DNAJB11: variants seen among roughly 807,000 people sequenced by gnomAD.
The protein encoded by DNAJB11 is DnaJ heat shock protein family (Hsp40) member B11, also known as dnaJ homolog subfamily B member 11.
A neutral mutation model predicts 47.2 loss-of-function variants in DNAJB11; 30 were observed. That is an observed-to-expected ratio of 0.64 (90% CI 0.48 to 0.86). The LOEUF (loss-of-function observed/expected upper bound fraction) is 0.86, where lower values mean the gene tolerates loss of function less well. Ranked by LOEUF, DNAJB11 falls within the 40% of genes least tolerant of loss-of-function variation. DNAJB11 has a pLI of 0.00. For missense variants in DNAJB11, 357 were observed against 440.2 expected, an observed-to-expected ratio of 0.81 and a Z score of 1.69; for synonymous variants, 151 against 159.9, an observed-to-expected ratio of 0.94 and a Z score of 0.42.
chr3:186,570,790 C>T lies in DNAJB11; in HGVS notation c.-108C>T. On this transcript the variant is annotated 5_prime_UTR_variant, in exon 1 of 10. Transcript: ENST00000265028. The stretch of plus-strand genomic sequence containing the variant: ...TCTGCGGACCAAGGAGACCCCCGCG[C>T]CCCCCCGGTGTGAGGCGGCCTCACA... 2 of 990,472 alleles carry T rather than the reference C, an allele frequency of 2.0e-6. No individual in the cohort carries two copies. Among genetic ancestry groups the T allele is most frequent in the Non-Finnish European group, 3.0e-6 (2 of 658,966 alleles). The allele number at this position is 990,472 out of a possible 1,614,324, so 61.4% of individuals were successfully genotyped here. A position where few individuals can be genotyped will look rare whatever the true frequency, so the allele number is the denominator to read the frequency against.
chr3:186,572,311 A>G (rs1715097176), intron 2 of DNAJB11, 60 bp downstream of exon 2: 11 of 1,442,034 alleles, frequency 7.6e-6, no homozygotes, highest in South Asian at 7.6e-5. Context: ...AAAACATACA[A>G]TACAGAGAAA....
In DNAJB11 at chr3:186,582,001, G is replaced by A. The variant is rs1399726728; in HGVS notation, c.606G>A (p.Val202=). The change falls in exon 6 of 10, where the codon GTG becomes GTA. Residue 202 remains valine, a synonymous_variant. Coordinates refer to ENST00000265028, the MANE Select transcript of DNAJB11 (RefSeq NM_016306.6). ...TTAATTCTCTTTACCTCAGACTAGT[G>A]AATGAAGAACGAACGCTGGAAGTAG... is the stretch of plus-strand genomic sequence containing the variant. ...VCDECPNVKL[V]NEERTLEVEI... 1 of 1,612,820 alleles carries A rather than the reference G, an allele frequency of 6.2e-7. No homozygotes were observed. Among genetic ancestry groups the A allele is most frequent in the Non-Finnish European group, 8.5e-7 (1 of 1,179,172 alleles).
At chr3:186,575,368 CGT>C (rs3051602) in intron 2 of DNAJB11, among the ~76,000 whole-genome samples, 11,209 of 143,322 alleles carry the variant, frequency 0.078, 1,091 homozygotes, top group African/African-American at 0.25. Context: ...CGCGCGCGCG[CGT>C]GTGTGTGTGT....
chr3:186,573,327 A>T (rs1715150545), intron 2 of DNAJB11, among the ~76,000 whole-genome samples: 1 of 152,216 alleles, frequency 6.6e-6, no homozygotes, highest in East Asian at 1.9e-4. Flanking sequence ...GGTGAACCCA[A>T]GAGCTGTTGG....
At position 186,584,418 on chromosome 3, in the gene DNAJB11, T is replaced by G. The variant is rs761366065; in HGVS notation, c.853-12T>G. 16 of 1,538,688 alleles carry G rather than the reference T, an allele frequency of 1.0e-5. No individual in the cohort carries two copies. The highest frequency in any genetic ancestry group is 4.6e-5 in the Admixed American group (2 of 43,774). ...CCGCTCCTGCTGCAGTACATTCCCT[T>G]TGGTTTTCTAGGTACATATTTCCCG... On this transcript the variant is annotated splice_polypyrimidine_tract_variant and intron_variant, in intron 8 of 9. Coordinates refer to ENST00000265028, the MANE Select transcript of DNAJB11 (RefSeq NM_016306.6).
chr3:186,571,022 T>TGGGGGTGGGGGGGGGGGG, intron 1 of DNAJB11, 57 bp downstream of exon 1: 1 of 208,310 alleles, frequency 4.8e-6, no homozygotes, highest in Non-Finnish European at 9.4e-6. Flanking sequence ...TGCTGGGGGG[T>TGGGGGTGGGGGGGGGGGG]GGGAGGGGGT....
intron 9 of DNAJB11, 77 bp from the exon 10 acceptor site, chr3:186,585,267 T>C: frequency 8.1e-7 from 1 of 1,229,110 alleles, no homozygotes; most frequent in Non-Finnish European, 1.2e-6. Flanking sequence ...ATGAGCTTTT[T>C]CTTGAAATAT....
chr3:186,583,849 C>T lies in DNAJB11; in HGVS notation c.741-16C>T, dbSNP rs1422006327. 4.4e-6 allele frequency: 7 copies of T among 1,585,442 alleles called. No homozygotes were observed. The highest frequency in any genetic ancestry group is 6.1e-6 in the Non-Finnish European group (7 of 1,155,188). ...AAAGTTGGAAATTAATGATTTTTACCTTATTCTGTTTTTAGGCACCCAATA... is the reference window on the plus strand; with the variant it reads ...AAAGTTGGAAATTAATGATTTTTACTTTATTCTGTTTTTAGGCACCCAATA... On this transcript the variant is annotated splice_polypyrimidine_tract_variant and intron_variant, in intron 7 of 9. Coordinates refer to ENST00000265028, the MANE Select transcript of DNAJB11 (RefSeq NM_016306.6).
intron 4 of DNAJB11, 106 bp downstream of exon 4, chr3:186,577,906 A>G (rs2108480203): frequency 2.1e-6 from 2 of 967,902 alleles, no homozygotes; most frequent in Non-Finnish European, 3.0e-6. Flanking sequence ...AGGGTAAGAG[A>G]GAGTGATCAA....
rs745798342 is a variant in DNAJB11 at position 186,584,617 on chromosome 3, G to GTGTGTGTGTA, written c.1012+33_1012+34insGTGTATGTGT. ...ATGGCATATTAGTGTGTGTGTGTGT[G>GTGTGTGTGTA]TGTGTTTGTGTGTGTGTATGTGTGT... On this transcript the variant is annotated intron_variant, in intron 9 of 9. Transcript: ENST00000265028. 5.9e-6 allele frequency: 9 copies of GTGTGTGTGTA among 1,513,756 alleles called. No homozygotes were observed. In the Admixed American group the frequency reaches 7.1e-5, roughly 12 times the overall value. The allele number at this position is 1,513,756 out of a possible 1,614,324, so 93.8% of individuals were successfully genotyped here.
At chr3:186,583,525 A>G (rs1241110523) in intron 7 of DNAJB11, among the ~76,000 whole-genome samples, 1 of 152,078 alleles carries the variant, frequency 6.6e-6, no homozygotes, top group Admixed American at 6.5e-5. Context: ...TTTTATCTGC[A>G]TTTCTACAGC....
rs1052051221 is a variant in DNAJB11 at position 186,572,031 on chromosome 3, C to A, written c.69-64C>A. 6.4e-6 allele frequency: 9 copies of A among 1,395,716 alleles called. No homozygotes were observed. The Admixed American group carries it at 2.2e-4, about 34-fold the overall frequency. 86.5% of individuals were successfully genotyped at this position (1,395,716 alleles called of 1,614,324 possible). On this transcript the variant is annotated intron_variant, in intron 1 of 9. Coordinates refer to ENST00000265028, the MANE Select transcript of DNAJB11 (RefSeq NM_016306.6). ...ACCTAAATGTAGAGGAAAAATAAAT[C>A]TTTTACTTTGAAAAATGTAACATGT...
At chr3:186,584,621 G>GTGTGTGTGTGTT in intron 9 of DNAJB11, 32 bp downstream of exon 9, 2 of 1,507,566 alleles carry the variant, frequency 1.3e-6, no homozygotes, top group Admixed American at 4.8e-5. Context: ...GTGTGTGTGT[G>GTGTGTGTGTGTT]TTTGTGTGTG....
Position 186,577,655 on chromosome 3 carries a change from C to A in DNAJB11, c.324-13C>A. 6.6e-7 allele frequency: 1 copy of A among 1,524,142 alleles called. No homozygotes were observed. The highest frequency in any genetic ancestry group is 8.8e-7 in the Non-Finnish European group (1 of 1,139,062). 94.4% of individuals were successfully genotyped at this position (1,524,142 alleles called of 1,614,324 possible). ...TTTTTTTTTTTTCCTGATGATTTTG[C>A]ACTTATCTTTAGCTTCTTTGGGGAT... On this transcript the variant is annotated splice_polypyrimidine_tract_variant and intron_variant, in intron 3 of 9. Transcript: ENST00000265028.
At position 186,581,431 on chromosome 3, in the gene DNAJB11, C is replaced by G. The variant is rs1183976778; in HGVS notation, c.517C>G (p.Gln173Glu). 1.2e-6 allele frequency: 2 copies of G among 1,613,792 alleles called. No homozygotes were observed. The highest frequency in any genetic ancestry group is 2.7e-5 in the African/African-American group (2 of 74,822). The stretch of plus-strand genomic sequence containing the variant: ...TGGCAAACGGAAGTGCAATTGTCGG[C>G]AAGAGATGCGGACCACCCAGCTGGG... ...APGKRKCNCR[Q>E]EMRTTQLGPG... The change falls in exon 5 of 10, where the codon CAA becomes GAA. Residue 173 changes from glutamine (Q) to glutamate (E), a missense_variant. Physicochemically the swap from Gln to Glu is conservative, Grantham distance 29. Transcript: ENST00000265028.
At chr3:186,573,973 A>T (rs1715177677) in intron 2 of DNAJB11, among the ~76,000 whole-genome samples, 1 of 152,194 alleles carries the variant, frequency 6.6e-6, no homozygotes, top group East Asian at 1.9e-4. Context: ...TAACTATAAC[A>T]ATCCTTTTAG....
At chr3:186,583,372 T>C (rs977336864) in intron 7 of DNAJB11, among the ~76,000 whole-genome samples, 1 of 152,220 alleles carries the variant, frequency 6.6e-6, no homozygotes, top group South Asian at 2.1e-4. Flanking sequence ...CTCAGTGTTG[T>C]TTTCCCCAGC....
chr3:186,584,627 G>GTGTGTGTGTT, intron 9 of DNAJB11, 38 bp downstream of exon 9: 1 of 1,492,430 alleles, frequency 6.7e-7, no homozygotes, highest in South Asian at 1.4e-5. Flanking sequence ...GTGTGTTTGT[G>GTGTGTGTGTT]TGTGTGTATG....
In DNAJB11 at chr3:186,572,397, A is replaced by G. The variant is rs1715103045; in HGVS notation, c.225+146A>G. On this transcript the variant is annotated intron_variant, in intron 2 of 9. Coordinates refer to ENST00000265028, the MANE Select transcript of DNAJB11 (RefSeq NM_016306.6). ...GTCTCTATTGCCTAGGCTGGAGTGC[A>G]GTGGTGCAATCTCCGCTCACTGCAA... 19 of 818,862 alleles carry G rather than the reference A, an allele frequency of 2.3e-5. 2 individuals carry two copies. The South Asian group carries it at 4.0e-4, about 17-fold the overall frequency. 50.7% of individuals were successfully genotyped at this position (818,862 alleles called of 1,614,324 possible). A position where few individuals can be genotyped will look rare whatever the true frequency, so the allele number is the denominator to read the frequency against.
Sources: allele counts gnomAD v4.1 joint callset (sites outside exome capture counted in the v4.1 genomes callset), GRCh38; gene constraint gnomAD v4.1.1; transcripts MANE v1.5; gene names NCBI Gene and HGNC (gene_info 2026-07-23, HGNC 2026-07-21).